Variants in ZFAT observed in about 807,000 individuals in gnomAD.
ZFAT encodes zinc finger protein ZFAT.
In ZFAT, 64 loss-of-function variants were observed where a neutral mutation model predicts 117.7. The observed-to-expected ratio is 0.54, with a 90% CI of 0.44 to 0.67. ZFAT has a LOEUF of 0.67. Ranked by LOEUF, ZFAT falls within the 30% of genes least tolerant of loss-of-function variation. The probability of loss-of-function intolerance (pLI) is 0.00; values close to 1 mark genes in which losing one functional copy is unlikely to be tolerated. For missense variants in ZFAT, 1,433 were observed against 1,584.5 expected (o/e 0.90, Z 1.62); for synonymous variants, 679 against 615.0 (o/e 1.10, Z -1.54).
chr8:134,713,434 T>C (rs146853256), upstream of ZFAT, among the ~76,000 whole-genome samples: 1,220 of 152,342 alleles, frequency 8.0e-3, 7 homozygotes, highest in Non-Finnish European at 0.013. Context: ...TTTACTGATG[T>C]GTCCATCGGG....
At chr8:134,513,040 G>T (rs938561969) in intron 13 of ZFAT, among the ~76,000 whole-genome samples, 1 of 152,158 alleles carries the variant, frequency 6.6e-6, no homozygotes, top group African/African-American at 2.4e-5. Context: ...GGCAGCTGAC[G>T]GTGGAAGGGG....
chr8:134,660,813 T>C (rs1325186753), intron 1 of ZFAT, among the ~76,000 whole-genome samples: 1 of 152,198 alleles, frequency 6.6e-6, no homozygotes, highest in Non-Finnish European at 1.5e-5. Flanking sequence ...TAAATAAAAC[T>C]ATTTTGCATT....
chr8:134,825,758 T>C, the ZFAT span, among the ~76,000 whole-genome samples: 144,898 of 152,350 alleles, frequency 0.95, 68,988 homozygotes, highest in East Asian at 0.98. Flanking sequence ...CGGTGGCTCA[T>C]GCCTGTAATC....
intron 1 of ZFAT, among the ~76,000 whole-genome samples, chr8:134,710,492 T>C (rs770688247): frequency 2.6e-5 from 4 of 152,240 alleles, no homozygotes; most frequent in Non-Finnish European, 1.5e-5. Context: ...TCTTTGGACG[T>C]ACCTATGATC....
chr8:134,650,437 TC>T (rs1349235856), intron 2 of ZFAT, among the ~76,000 whole-genome samples: 1 of 152,140 alleles, frequency 6.6e-6, no homozygotes, highest in Non-Finnish European at 1.5e-5. Flanking sequence ...AAACCTCTTT[TC>T]TTTATAAATT....
chr8:134,602,223 C>T lies in ZFAT; in HGVS notation c.1496G>A (p.Cys499Tyr). 6.2e-7 allele frequency: 1 copy of T among 1,613,666 alleles called. No individual in the cohort carries two copies. Among genetic ancestry groups the T allele is most frequent in the Non-Finnish European group, 8.5e-7 (1 of 1,180,012 alleles). ...GATGTCCCCACCAGGTTCCAGGAGG[C>T]AGAAGCTCTGGTTGATGGAACTGGT... ...VFTSSINQSFCLLEPGGDIQQ... is the reference protein window; with the variant it reads ...VFTSSINQSFYLLEPGGDIQQ... The change falls in exon 6 of 16, where the codon TGC becomes TAC. Residue 499 changes from cysteine (C) to tyrosine (Y), a missense_variant. Physicochemically the swap from Cys to Tyr is radical, Grantham distance 194. This residue lies in a region of ZFAT where 372 missense variants were observed against 355.6 expected (regional missense o/e 1.05). Transcript: ENST00000377838.
At chr8:134,791,042 A>G in the ZFAT span, among the ~76,000 whole-genome samples, 1 of 152,164 alleles carries the variant, frequency 6.6e-6, no homozygotes, top group Admixed American at 6.5e-5. Flanking sequence ...ATATATGCCA[A>G]TTCTTTCCCC....
intron 9 of ZFAT, among the ~76,000 whole-genome samples, chr8:134,584,905 G>A (rs1825962624): frequency 6.6e-6 from 1 of 152,200 alleles, no homozygotes; most frequent in Admixed American, 6.5e-5. Context: ...CTTTGCAGTT[G>A]AGGAAACCAA....
At chr8:134,761,501 A>C in the ZFAT span, among the ~76,000 whole-genome samples, 1 of 151,594 alleles carries the variant, frequency 6.6e-6, no homozygotes, top group African/African-American at 2.4e-5. Flanking sequence ...AGAGATCGAG[A>C]TCATCCTGGC....
intron 2 of ZFAT, among the ~76,000 whole-genome samples, 161 bp from the exon 3 acceptor site, chr8:134,637,873 G>T (rs1430179688): frequency 6.6e-6 from 1 of 152,130 alleles, no homozygotes; most frequent in African/African-American, 2.4e-5. Context: ...AATTATCGTT[G>T]GTGCTAATAT....
chr8:134,583,423 GGAT>G (rs778170487), intron 10 of ZFAT, among the ~76,000 whole-genome samples: 18 of 152,198 alleles, frequency 1.2e-4, no homozygotes, highest in Non-Finnish European at 2.2e-4. Context: ...GAGGTAGCTT[GGAT>G]GATAAGAGAC....
the ZFAT span, among the ~76,000 whole-genome samples, chr8:134,756,632 C>T: frequency 2.6e-5 from 4 of 152,244 alleles, no homozygotes; most frequent in Admixed American, 6.5e-5. Flanking sequence ...AGCTGCACCC[C>T]TCTCTGGGAA....
chr8:134,669,911 T>C (rs1311135978), intron 1 of ZFAT, among the ~76,000 whole-genome samples: 2 of 152,148 alleles, frequency 1.3e-5, no homozygotes, highest in African/African-American at 4.8e-5. Context: ...GAGAAAGATC[T>C]ACCAAGCAAA....
upstream of ZFAT, among the ~76,000 whole-genome samples, chr8:134,715,603 A>G (rs1814202566): frequency 1.3e-5 from 2 of 152,250 alleles, no homozygotes; most frequent in Admixed American, 6.5e-5. Flanking sequence ...CCTTCAATTA[A>G]TGAAGACACA....
chr8:134,815,699 T>G, the ZFAT span, among the ~76,000 whole-genome samples: 14,087 of 152,228 alleles, frequency 0.093, 835 homozygotes, highest in Non-Finnish European at 0.14. Context: ...GGCTTTGCAC[T>G]ATCTCTTCTC....
intron 1 of ZFAT, among the ~76,000 whole-genome samples, chr8:134,670,220 G>A (rs1458065577): frequency 2.4e-4 from 36 of 151,678 alleles, no homozygotes; most frequent in South Asian, 1.0e-3. Context: ...AAGGATATCC[G>A]GGAATTGAAC....
the ZFAT span, among the ~76,000 whole-genome samples, chr8:134,775,033 G>C: frequency 3.9e-5 from 6 of 152,308 alleles, no homozygotes; most frequent in African/African-American, 9.6e-5. Flanking sequence ...CAGGAGAATC[G>C]CTTGAACCCA....
At chr8:134,794,419 T>A in the ZFAT span, 2 of 152,166 alleles carry the variant, frequency 1.3e-5, no homozygotes, top group Non-Finnish European at 2.9e-5. Context: ...AGAAGAGACT[T>A]CTCTAATATA....
the ZFAT span, among the ~76,000 whole-genome samples, chr8:134,824,752 A>G: frequency 6.6e-6 from 1 of 152,246 alleles, no homozygotes; most frequent in Admixed American, 6.5e-5. Context: ...ATTAATGACA[A>G]AAAATTATAA....
Sources: gnomAD v4.1 joint callset for allele counts (sites outside exome capture counted in the v4.1 genomes callset) on GRCh38, gnomAD v4.1.1 for gene constraint, gnomAD v4.1.1 regional missense constraint, MANE v1.5 for transcripts, NCBI Gene and HGNC (gene_info 2026-07-23, HGNC 2026-07-21) for gene names.